COPRS: variants seen among roughly 807,000 people sequenced by gnomAD.
The protein encoded by COPRS is coordinator of PRMT5 and differentiation stimulator.
A neutral mutation model predicts 19.9 loss-of-function variants in COPRS; 11 were observed. The ratio of observed to expected loss-of-function variants is 0.55; its 90% CI spans 0.35 to 0.92. COPRS has a LOEUF of 0.92. Ranked by LOEUF, COPRS falls within the 40% of genes least tolerant of loss-of-function variation. The pLI, the probability that COPRS is intolerant of heterozygous loss-of-function variation, is 0.01. For missense variants in COPRS, 225 were observed against 229.9 expected (o/e 0.98, Z 0.14); for synonymous variants, 81 against 82.7 (o/e 0.98, Z 0.11).
At position 31,852,901 on chromosome 17, in the gene COPRS, C is replaced by T; in HGVS notation, c.296G>A (p.Gly99Glu). ...CTGTTCCTTGGGTGGACAGTTTGTC[C>T]CTTCTGACAGCTCCCAGGTATTCAG... ...GELNTWELSE[G>E]TNCPPKEQPG... Residue 99 changes from glycine to glutamate, a missense_variant, in exon 3 of 4, where the codon GGG (glycine) becomes GAG (glutamate). Physicochemically the swap from Gly to Glu is moderately conservative, Grantham distance 98. Around this residue, in one of 3 missense-constraint regions of COPRS, gnomAD observed 170 missense variants for 171.4 expected, o/e 0.99. Coordinates refer to ENST00000302362, the MANE Select transcript of COPRS (RefSeq NM_018405.4). 6 of 1,614,110 alleles carry T rather than the reference C, an allele frequency of 3.7e-6. No homozygotes were observed. Among genetic ancestry groups the T allele is most frequent in the Non-Finnish European group, 4.2e-6 (5 of 1,179,970 alleles).
At chr17:31,859,069 G>C in intron 1 of COPRS, 32 bp downstream of exon 1, 3 of 1,148,308 alleles carry the variant, frequency 2.6e-6, no homozygotes, top group Non-Finnish European at 3.2e-6. Flanking sequence ...GCTGCGGCTG[G>C]CTGTTGCTCC....
At chr17:31,852,408 G>C (rs1192761204) in intron 3 of COPRS, 100 bp from the exon 4 acceptor site, 2 of 869,626 alleles carry the variant, frequency 2.3e-6, no homozygotes, top group Non-Finnish European at 3.6e-6. Flanking sequence ...ACAGATCCTT[G>C]CACTTATTTT....
At chr17:31,856,705 G>T in intron 2 of COPRS, 94 bp downstream of exon 2, 2 of 839,576 alleles carry the variant, frequency 2.4e-6, no homozygotes, top group South Asian at 1.3e-5. Context: ...GCAGCAGAGA[G>T]GACTGGCTAA....
chr17:31,851,967 T>G lies in COPRS; in HGVS notation c.*172A>C, dbSNP rs1909177087. ...GAGCCCATTAAGAACAACAACAGAC[T>G]GGCGAGAATGACGGGGCCTTATTGA... On this transcript the variant is annotated 3_prime_UTR_variant, in exon 4 of 4. Coordinates refer to ENST00000302362, the MANE Select transcript of COPRS (RefSeq NM_018405.4). The G allele has an allele frequency of 4.7e-6, 3 of 637,308 alleles. No individual in the cohort carries two copies. The Admixed American group carries it at 9.2e-5, about 20-fold the overall frequency. 39.5% of individuals were successfully genotyped at this position (637,308 alleles called of 1,614,324 possible).
intron 2 of COPRS, among the ~76,000 whole-genome samples, chr17:31,854,070 T>C (rs187593283): frequency 8.5e-4 from 129 of 152,166 alleles, no homozygotes; most frequent in African/African-American, 3.0e-3. Flanking sequence ...TTTTGTCAAT[T>C]ACCAAACATC....
intron 2 of COPRS, among the ~76,000 whole-genome samples, chr17:31,855,241 G>C (rs1273139527): frequency 6.6e-6 from 1 of 152,160 alleles, no homozygotes; most frequent in Non-Finnish European, 1.5e-5. Flanking sequence ...GCCGGGAGCA[G>C]TGGCTCACGC....
intron 2 of COPRS, among the ~76,000 whole-genome samples, chr17:31,855,339 C>G (rs1280304179): frequency 1.3e-5 from 2 of 152,038 alleles, no homozygotes; most frequent in Non-Finnish European, 2.9e-5. Context: ...AATCCTATCT[C>G]TACTAAAAAC....
At chr17:31,854,540 C>A (rs946026307) in intron 2 of COPRS, among the ~76,000 whole-genome samples, 1 of 151,954 alleles carries the variant, frequency 6.6e-6, no homozygotes, top group African/African-American at 2.4e-5. Context: ...TTTACAATCA[C>A]CAAAAGGTAG....
Position 31,853,013 on chromosome 17 carries a change from T to G in COPRS, c.184A>C (p.Ile62Leu). The G allele has an allele frequency of 2.5e-6, 4 of 1,613,724 alleles. 1 individual carries two copies. The South Asian group carries it at 4.4e-5, about 18-fold the overall frequency. The change falls in exon 3 of 4, where the codon ATT (isoleucine) becomes CTT (leucine). Residue 62 changes from isoleucine (I) to leucine (L), a missense_variant. This residue lies in a region of COPRS where 170 missense variants were observed against 171.4 expected (regional missense o/e 0.99). Coordinates refer to ENST00000302362, the MANE Select transcript of COPRS (RefSeq NM_018405.4). ...CCCCGGGCAGGACTGTCATTAGGAA[T>G]GCTCTGTGTTCCACGGGCTAAATTG... ...MDRLARGTQS[I>L]PNDSPARGEG...
intron 2 of COPRS, among the ~76,000 whole-genome samples, chr17:31,853,597 G>A (rs1274338792): frequency 6.6e-6 from 1 of 152,120 alleles, no homozygotes; most frequent in East Asian, 1.9e-4. Flanking sequence ...GGCCAGGCTG[G>A]TCTTGAACCC....
chr17:31,853,467 A>G (rs1251053438), intron 2 of COPRS, among the ~76,000 whole-genome samples: 1 of 149,218 alleles, frequency 6.7e-6, no homozygotes, highest in Non-Finnish European at 1.5e-5. Flanking sequence ...TGCAACCTCT[A>G]CCTCCCAGGT....
intron 1 of COPRS, chr17:31,858,532 G>T (rs889324208): frequency 4.2e-6 from 2 of 473,238 alleles, no homozygotes; most frequent in Non-Finnish European, 5.5e-6. Flanking sequence ...GGACAGGTAA[G>T]AACTGTAATA....
Position 31,852,802 on chromosome 17 carries a change from C to G in COPRS, c.385+10G>C, listed in dbSNP as rs763884884. 14 of 1,604,766 alleles carry G rather than the reference C, an allele frequency of 8.7e-6. No individual in the cohort carries two copies. Among genetic ancestry groups the G allele is most frequent in the East Asian group, 6.7e-5 (3 of 44,848 alleles). ...GCCTAGTTCAGGACCCCCAGAGACT[C>G]CACACCTACCATATGGATTCCCTTG... is the stretch of plus-strand genomic sequence containing the variant. On this transcript the variant is annotated intron_variant, in intron 3 of 3. Coordinates refer to ENST00000302362, the MANE Select transcript of COPRS (RefSeq NM_018405.4).
chr17:31,859,020 G>A lies in COPRS; in HGVS notation c.99+81C>T, dbSNP rs1246776673. ...GCCAGAGGCGCTTCCCCGGCCCCGC[G>A]GCCCCCGCCCAGCCCGGCCCCGCGA... is the stretch of plus-strand genomic sequence containing the variant. On this transcript the variant is annotated intron_variant, in intron 1 of 3. Coordinates refer to ENST00000302362, the MANE Select transcript of COPRS (RefSeq NM_018405.4). 3.3e-6 allele frequency: 4 copies of A among 1,207,710 alleles called. No individual in the cohort carries two copies. The African/African-American group carries it at 4.8e-5, about 15-fold the overall frequency. 74.8% of individuals were successfully genotyped at this position (1,207,710 alleles called of 1,614,324 possible). A position where few individuals can be genotyped will look rare whatever the true frequency, so the allele number is the denominator to read the frequency against.
rs1909175100 is a variant in COPRS, at chr17:31,851,907, T to C, written c.*232A>G. ...AACCTTTATTTACAAAGAACACAAC[T>C]CCTCTTGACACAAACACACACACAT... On this transcript the variant is annotated 3_prime_UTR_variant, in exon 4 of 4. Transcript: ENST00000302362. The C allele has an allele frequency of 1.2e-5, 6 of 496,822 alleles. No homozygotes were observed. Among genetic ancestry groups the C allele is most frequent in the Non-Finnish European group, 2.2e-5 (6 of 278,416 alleles). The allele number at this position is 496,822 out of a possible 1,614,324, so 30.8% of individuals were successfully genotyped here.
chr17:31,858,033 C>T (rs1909416666), intron 1 of COPRS, among the ~76,000 whole-genome samples: 3 of 152,188 alleles, frequency 2.0e-5, no homozygotes, highest in Admixed American at 2.0e-4. Context: ...CTCCTAACCA[C>T]CTTCCCATCC....
At position 31,852,131 on chromosome 17, in the gene COPRS, C is replaced by G. The variant is rs1223452172; in HGVS notation, c.*8G>C. ...GCCCGCCCACCTACAAGGCAGAAAG[C>G]TCCACACTCAATCTTCAGCATCGTC... On this transcript the variant is annotated 3_prime_UTR_variant, in exon 4 of 4. Transcript: ENST00000302362. The G allele has an allele frequency of 1.2e-6, 2 of 1,613,806 alleles. No individual in the cohort carries two copies. Among genetic ancestry groups the G allele is most frequent in the African/African-American group, 2.7e-5 (2 of 75,028 alleles).
chr17:31,859,140 C>T lies in COPRS; in HGVS notation c.60G>A (p.Pro20=), dbSNP rs11542474. The T allele has an allele frequency of 6.5e-6, 7 of 1,080,088 alleles. No homozygotes were observed. In the African/African-American group the frequency reaches 6.8e-5, roughly 10 times the overall value. 66.9% of individuals were successfully genotyped at this position (1,080,088 alleles called of 1,614,324 possible). A position where few individuals can be genotyped will look rare whatever the true frequency, so the allele number is the denominator to read the frequency against. The change falls in exon 1 of 4, where the codon CCG becomes CCA. Residue 20 remains proline, a synonymous_variant. Transcript: ENST00000302362. ...AQGAAEPSRG[P]PLPSARGAPP... ...GCGCCCCCCGCGCGCTAGGCAGCGG[C>T]GGGCCCCGAGACGGCTCCGCGGCCC...
Position 31,851,884 on chromosome 17 carries a change from C to T in COPRS, c.*255G>A. The T allele has an allele frequency of 2.4e-6, 1 of 410,454 alleles. No individual in the cohort carries two copies. The highest frequency in any genetic ancestry group is 4.4e-6 in the Non-Finnish European group (1 of 226,880). The allele number at this position is 410,454 out of a possible 1,614,324, so 25.4% of individuals were successfully genotyped here. ...GAAGCATACTGGTTTCTCTTTTTAA[C>T]CTTTATTTACAAAGAACACAACTCC... On this transcript the variant is annotated 3_prime_UTR_variant, in exon 4 of 4. Coordinates refer to ENST00000302362, the MANE Select transcript of COPRS (RefSeq NM_018405.4).
Sources: gnomAD v4.1 joint callset for allele counts (sites outside exome capture counted in the v4.1 genomes callset) on GRCh38, gnomAD v4.1.1 for gene constraint, gnomAD v4.1.1 regional missense constraint, MANE v1.5 for transcripts, NCBI Gene and HGNC (gene_info 2026-07-23, HGNC 2026-07-21) for gene names.